MIPOL1: variants seen among roughly 807,000 people sequenced by gnomAD.
MIPOL1 encodes the protein mirror-image polydactyly 1, also known as mirror-image polydactyly gene 1 protein.
A neutral mutation model predicts 60.9 loss-of-function variants in MIPOL1; 57 were observed. The ratio of observed to expected loss-of-function variants is 0.94; its 90% CI spans 0.76 to 1.17. The LOEUF (loss-of-function observed/expected upper bound fraction) is 1.17, where lower values mean the gene tolerates loss of function less well. MIPOL1 is among the 50% of genes most tolerant of loss of function. MIPOL1 has a pLI of 0.00. For synonymous variants in MIPOL1, 179 were observed against 168.8 expected, an observed-to-expected ratio of 1.06 and a Z score of -0.47; for missense variants, 551 against 511.6, an observed-to-expected ratio of 1.08 and a Z score of -0.74.
At chr14:37,269,163 G>A (rs2153387780) in intron 5 of MIPOL1, among the ~76,000 whole-genome samples, 1 of 151,758 alleles carries the variant, frequency 6.6e-6, no homozygotes, top group African/African-American at 2.4e-5. Context: ...TTCTTTATTA[G>A]TATCCATGCC....
intron 1 of MIPOL1, among the ~76,000 whole-genome samples, chr14:37,232,907 A>G: frequency 6.6e-6 from 1 of 152,240 alleles, no homozygotes; most frequent in East Asian, 1.9e-4. Flanking sequence ...TAAAATTCCC[A>G]GATTATACAG....
At chr14:37,242,595 T>C (rs1469447165) in intron 1 of MIPOL1, among the ~76,000 whole-genome samples, 1 of 152,192 alleles carries the variant, frequency 6.6e-6, no homozygotes, top group African/African-American at 2.4e-5. Context: ...CAGTTCTCTA[T>C]TGACGGACAT....
intron 6 of MIPOL1, among the ~76,000 whole-genome samples, chr14:37,279,888 T>C (rs2083964535): frequency 6.6e-6 from 1 of 152,178 alleles, no homozygotes; most frequent in South Asian, 2.1e-4. Flanking sequence ...CCAGAACCTA[T>C]TCCTCCTGTC....
chr14:37,211,931 C>T (rs1326346318), intron 1 of MIPOL1, among the ~76,000 whole-genome samples: 1 of 152,048 alleles, frequency 6.6e-6, no homozygotes, highest in Non-Finnish European at 1.5e-5. Flanking sequence ...ACTCCACGTC[C>T]TAGCTCCCAG....
rs559876529 is a variant in MIPOL1 at position 37,463,016 on chromosome 14, A to C, written c.1032-36892A>C. 5.3e-5 allele frequency among the ~76,000 whole-genome samples: 8 copies of C among 152,262 alleles called. No homozygotes were observed. In the East Asian group the frequency reaches 1.5e-3, roughly 29 times the overall value. Reference sequence around the variant, plus strand: ...CAATGCCCCATTCTACTGGTACCAAATTACTGTATTAGTCTGTTTTCATGC... The same window carrying C: ...CAATGCCCCATTCTACTGGTACCAACTTACTGTATTAGTCTGTTTTCATGC... On this transcript the variant is annotated intron_variant, in intron 11 of 12. Transcript: ENST00000684589.
intron 12 of MIPOL1, among the ~76,000 whole-genome samples, chr14:37,538,673 C>T (rs1015924928): frequency 1.3e-5 from 2 of 152,176 alleles, no homozygotes; most frequent in African/African-American, 4.8e-5. Flanking sequence ...CTTTAACCAA[C>T]AAAAGAAAGC....
At chr14:37,516,696 G>A (rs2095371660) in intron 12 of MIPOL1, among the ~76,000 whole-genome samples, 1 of 152,118 alleles carries the variant, frequency 6.6e-6, no homozygotes, top group Admixed American at 6.6e-5. Flanking sequence ...GAAATGTACA[G>A]CAATTGCTTA....
intron 9 of MIPOL1, among the ~76,000 whole-genome samples, chr14:37,338,342 C>T (rs1045415366): frequency 2.6e-5 from 4 of 151,522 alleles, no homozygotes; most frequent in African/African-American, 9.7e-5. Flanking sequence ...GATCTCCTGA[C>T]CTCATGATCC....
chr14:37,470,386 C>T (rs1017982601), intron 11 of MIPOL1, among the ~76,000 whole-genome samples: 5 of 152,096 alleles, frequency 3.3e-5, no homozygotes, highest in African/African-American at 1.2e-4. Flanking sequence ...CGGGAGGGGC[C>T]TGGCGGGAGG....
At chr14:37,371,478 AT>A (rs953986839) in intron 10 of MIPOL1, among the ~76,000 whole-genome samples, 39 of 150,562 alleles carry the variant, frequency 2.6e-4, no homozygotes, top group Admixed American at 8.0e-4. Context: ...CTAGTTGCTC[AT>A]TTTTTTTTGC....
intron 1 of MIPOL1, among the ~76,000 whole-genome samples, chr14:37,198,607 A>G (rs1025583379): frequency 3.3e-5 from 5 of 152,022 alleles, no homozygotes; most frequent in African/African-American, 4.8e-5. Context: ...TTGATTCACA[A>G]TGTCCCTGGA....
chr14:37,403,254 G>A (rs1332249790), intron 10 of MIPOL1, among the ~76,000 whole-genome samples: 1 of 152,144 alleles, frequency 6.6e-6, no homozygotes, highest in African/African-American at 2.4e-5. Context: ...AGGATTCCCT[G>A]TAAATTACAG....
At chr14:37,268,379 A>G (rs1404498593) in intron 4 of MIPOL1, among the ~76,000 whole-genome samples, 1 of 152,170 alleles carries the variant, frequency 6.6e-6, no homozygotes, top group Non-Finnish European at 1.5e-5. Context: ...GGCTAAAGTC[A>G]GATTATGAGA....
chr14:37,394,459 G>T (rs369568989), intron 10 of MIPOL1, among the ~76,000 whole-genome samples: 29 of 151,954 alleles, frequency 1.9e-4, no homozygotes, highest in African/African-American at 6.5e-4. Flanking sequence ...GGCTATTCTT[G>T]CAGGAGTCAG....
At position 37,451,808 on chromosome 14, in the gene MIPOL1, C is replaced by CTTTTTTTTTTTTTTTT. The variant is rs535978128; in HGVS notation, c.1031+28868_1031+28883dup. Among the ~76,000 whole-genome samples the CTTTTTTTTTTTTTTTT allele has an allele frequency of 6.5e-4, 55 of 84,556 alleles. 3 individuals carry two copies. The highest frequency in any genetic ancestry group is 3.2e-3 in the African/African-American group (50 of 15,740). The allele number at this position is 84,556 out of a possible 152,430, so 55.5% of individuals were successfully genotyped here. On this transcript the variant is annotated intron_variant, in intron 11 of 12. Transcript: ENST00000684589. ...CTTAAGGTTCTTTTGTTTATTCTCT[C>CTTTTTTTTTTTTTTTT]TTTTTTTTTTTTTTTTTTTTTTTTG...
chr14:37,448,353 C>T (rs1372092426), intron 11 of MIPOL1, among the ~76,000 whole-genome samples: 3 of 152,154 alleles, frequency 2.0e-5, no homozygotes, highest in Non-Finnish European at 4.4e-5. Context: ...ATCAACATGT[C>T]CTGTACATGC....
Position 37,485,593 on chromosome 14 carries a change from GA to G in MIPOL1, c.1032-14314del, listed in dbSNP as rs1376421099. Among the ~76,000 whole-genome samples the G allele has an allele frequency of 2.0e-5, 3 of 152,244 alleles. No individual in the cohort carries two copies. The East Asian group carries it at 5.8e-4, about 29-fold the overall frequency. On this transcript the variant is annotated intron_variant, in intron 11 of 12. Transcript: ENST00000684589. Reference sequence around the variant, plus strand: ...TTTATCTAATGACCAGTGATGATGAGATTTTTTTCATGTTTGTTGGCTGCAT... The same window carrying G: ...TTTATCTAATGACCAGTGATGATGAGTTTTTTTCATGTTTGTTGGCTGCAT...
At chr14:37,527,286 TATG>T (rs1444646046) in intron 12 of MIPOL1, among the ~76,000 whole-genome samples, 3 of 152,098 alleles carry the variant, frequency 2.0e-5, no homozygotes, top group African/African-American at 7.2e-5. Context: ...TGTGGTATTT[TATG>T]ATAACAAACA....
intron 9 of MIPOL1, among the ~76,000 whole-genome samples, chr14:37,360,073 A>ACAAT (rs1370041136): frequency 6.6e-6 from 1 of 152,130 alleles, no homozygotes; most frequent in Non-Finnish European, 1.5e-5. Context: ...ATCTAATGAG[A>ACAAT]CAATCATGTG....
Sources: gnomAD v4.1 joint callset for allele counts (sites outside exome capture counted in the v4.1 genomes callset) on GRCh38, gnomAD v4.1.1 for gene constraint, MANE v1.5 for transcripts, NCBI Gene and HGNC (gene_info 2026-07-23, HGNC 2026-07-21) for gene names.